Variants in TMEM120B observed in about 807,000 individuals in gnomAD.
TMEM120B encodes transmembrane protein 120B.
TMEM120B carries 31 observed loss-of-function variants against 55.5 expected under a neutral mutation model. The observed-to-expected ratio is 0.56, with a 90% CI of 0.42 to 0.75. The LOEUF (loss-of-function observed/expected upper bound fraction) is 0.75, where lower values mean the gene tolerates loss of function less well. Among genes scored for constraint, TMEM120B ranks in the 30% least tolerant of loss-of-function variants. The pLI is 0.00. For synonymous variants in TMEM120B, 203 were observed against 176.3 expected, an observed-to-expected ratio of 1.15 and a Z score of -1.20; for missense variants, 399 against 425.5, an observed-to-expected ratio of 0.94 and a Z score of 0.55.
chr12:121,772,657 A>T (rs535532104), intron 8 of TMEM120B, among the ~76,000 whole-genome samples: 1 of 152,198 alleles, frequency 6.6e-6, no homozygotes, highest in South Asian at 2.1e-4. Context: ...TCCTGGCCTC[A>T]AGGGATCTGC....
intron 6 of TMEM120B, among the ~76,000 whole-genome samples, chr12:121,765,301 T>G (rs2137321725): frequency 6.6e-6 from 1 of 152,190 alleles, no homozygotes; most frequent in South Asian, 2.1e-4. Flanking sequence ...AGCTAATTTT[T>G]GTATTTTTAG....
Position 121,780,701 on chromosome 12 carries a change from T to G in TMEM120B, c.*4979T>G. The G allele has an allele frequency of 1.4e-6, 1 of 722,398 alleles. No homozygotes were observed. The highest frequency in any genetic ancestry group is 2.2e-6 in the Non-Finnish European group (1 of 448,980). 44.7% of individuals were successfully genotyped at this position (722,398 alleles called of 1,614,324 possible). A position where few individuals can be genotyped will look rare whatever the true frequency, so the allele number is the denominator to read the frequency against. ...GAGTCCTAAGGATTGGGAGTAGTCG[T>G]GTAAAGTGCTCAGGTCCACAGGCCA... On this transcript the variant is annotated 3_prime_UTR_variant, in exon 12 of 12. Transcript: ENST00000449592.
intron 1 of TMEM120B, among the ~76,000 whole-genome samples, chr12:121,730,021 G>A (rs1313789475): frequency 1.3e-5 from 2 of 152,138 alleles, no homozygotes; most frequent in Admixed American, 6.6e-5. Flanking sequence ...AGCACTTTGG[G>A]TGGCTGAGGT....
chr12:121,737,408 G>A lies in TMEM120B; in HGVS notation c.70-6221G>A, dbSNP rs574463582. Reference sequence around the variant, plus strand: ...TAATCTCAGCTACTCGGGAGGCTGAGGCAGGAGAATCACTTGAACCTAGGA... The same window carrying A: ...TAATCTCAGCTACTCGGGAGGCTGAAGCAGGAGAATCACTTGAACCTAGGA... On this transcript the variant is annotated intron_variant, in intron 1 of 11. Coordinates refer to ENST00000449592, the MANE Select transcript of TMEM120B (RefSeq NM_001080825.2). Among the ~76,000 whole-genome samples the A allele has an allele frequency of 1.7e-4, 26 of 152,260 alleles. No individual in the cohort carries two copies. The South Asian group carries it at 2.9e-3, about 17-fold the overall frequency.
chr12:121,749,534 T>G (rs1180302232), intron 3 of TMEM120B, among the ~76,000 whole-genome samples: 1 of 152,022 alleles, frequency 6.6e-6, no homozygotes, highest in African/African-American at 2.4e-5. Flanking sequence ...TTTAACAAAA[T>G]TGGTGTGCTG....
chr12:121,780,576 C>A lies in TMEM120B; in HGVS notation c.*4854C>A. 1 of 514,022 alleles carries A rather than the reference C, an allele frequency of 1.9e-6. No individual in the cohort carries two copies. Among genetic ancestry groups the A allele is most frequent in the Non-Finnish European group, 3.4e-6 (1 of 292,458 alleles). The allele number at this position is 514,022 out of a possible 1,614,324, so 31.8% of individuals were successfully genotyped here. The stretch of plus-strand genomic sequence containing the variant: ...AGTGGATGGGACCAGATCCTGGCTC[C>A]ACTTCTCGCTAGCTGTGTGGCCCTG... On this transcript the variant is annotated 3_prime_UTR_variant, in exon 12 of 12. Coordinates refer to ENST00000449592, the MANE Select transcript of TMEM120B (RefSeq NM_001080825.2).
At chr12:121,721,597 G>A (rs1218907820) in intron 1 of TMEM120B, among the ~76,000 whole-genome samples, 4 of 151,528 alleles carry the variant, frequency 2.6e-5, no homozygotes, top group South Asian at 2.1e-4. Flanking sequence ...TCAGTCTCCC[G>A]AGTAGCTGGG....
At chr12:121,723,529 G>C (rs899572112) in intron 1 of TMEM120B, among the ~76,000 whole-genome samples, 7 of 152,260 alleles carry the variant, frequency 4.6e-5, no homozygotes, top group South Asian at 2.1e-4. Flanking sequence ...GTGGATGAAG[G>C]GGGCAGCAGA....
chr12:121,761,771 AGAG>A, intron 6 of TMEM120B, 33 bp downstream of exon 6: 1 of 1,570,420 alleles, frequency 6.4e-7, no homozygotes, highest in Non-Finnish European at 8.8e-7. Context: ...GGGGAGCACA[AGAG>A]GAGTTAAAGG....
intron 9 of TMEM120B, 118 bp from the exon 10 acceptor site, chr12:121,774,538 ATG>A (rs1239654059): frequency 2.2e-6 from 2 of 913,198 alleles, no homozygotes; most frequent in Admixed American, 4.6e-5. Flanking sequence ...GACCCCCCGC[ATG>A]TGTGACTGTC....
At chr12:121,748,145 G>A (rs113600239) in intron 2 of TMEM120B, among the ~76,000 whole-genome samples, 181 bp from the exon 3 acceptor site, 65 of 30,572 alleles carry the variant, frequency 2.1e-3, no homozygotes, top group South Asian at 4.7e-3. Flanking sequence ...AAGGTGGGAG[G>A]CTGGGGTAGA....
At chr12:121,768,929 T>A (rs1873934716) in intron 6 of TMEM120B, among the ~76,000 whole-genome samples, 1 of 152,046 alleles carries the variant, frequency 6.6e-6, no homozygotes, top group Non-Finnish European at 1.5e-5. Context: ...GTGGATCCCC[T>A]GAGGTCAGGA....
chr12:121,752,360 G>A, intron 5 of TMEM120B, 137 bp downstream of exon 5: 1 of 682,258 alleles, frequency 1.5e-6, no homozygotes. Context: ...GGAGAGAGGG[G>A]CCATTTCTCA....
intron 1 of TMEM120B, among the ~76,000 whole-genome samples, chr12:121,735,730 G>A (rs1202207606): frequency 4.5e-5 from 6 of 133,122 alleles, no homozygotes; most frequent in South Asian, 4.9e-4. Context: ...TCACTCTGTC[G>A]CCCAGGCTGG....
At chr12:121,757,519 T>A (rs1873516422) in intron 5 of TMEM120B, among the ~76,000 whole-genome samples, 1 of 127,658 alleles carries the variant, frequency 7.8e-6, no homozygotes, top group Non-Finnish European at 1.6e-5. Context: ...TTATTATTAT[T>A]ATTTATTTTT....
intron 5 of TMEM120B, chr12:121,758,078 C>A: frequency 1.3e-6 from 1 of 775,482 alleles, no homozygotes; most frequent in African/African-American, 1.9e-5. Context: ...ATGATCACGT[C>A]ACTGCACTCC....
intron 1 of TMEM120B, among the ~76,000 whole-genome samples, chr12:121,722,551 A>G (rs1248578752): frequency 6.6e-6 from 1 of 152,222 alleles, no homozygotes; most frequent in Non-Finnish European, 1.5e-5. Flanking sequence ...GAGGTGAAGC[A>G]GGAGAGTGAA....
chr12:121,772,176 TG>T (rs1282828060), intron 8 of TMEM120B, among the ~76,000 whole-genome samples: 1 of 151,782 alleles, frequency 6.6e-6, no homozygotes, highest in Non-Finnish European at 1.5e-5. Context: ...TTGCCCAGGC[TG>T]GAGTGCAGTG....
Position 121,776,312 on chromosome 12 carries a change from CTG to C in TMEM120B, c.*593_*594del, listed in dbSNP as rs1874246955. ...AGCGCTGGGGGCATCCTGAGTCAGG[CTG>C]TGAGAAGATTCGCCACCAGAGGGCG... On this transcript the variant is annotated 3_prime_UTR_variant, in exon 12 of 12. Coordinates refer to ENST00000449592, the MANE Select transcript of TMEM120B (RefSeq NM_001080825.2). The C allele has an allele frequency of 6.1e-6, 1 of 163,938 alleles. No individual in the cohort carries two copies. 10.2% of individuals were successfully genotyped at this position (163,938 alleles called of 1,614,324 possible). A position where few individuals can be genotyped will look rare whatever the true frequency, so the allele number is the denominator to read the frequency against.
Sources: gnomAD v4.1 joint callset for allele counts (sites outside exome capture counted in the v4.1 genomes callset) on GRCh38, gnomAD v4.1.1 for gene constraint, MANE v1.5 for transcripts, NCBI Gene and HGNC (gene_info 2026-07-23, HGNC 2026-07-21) for gene names.